DNAH6: variants seen among roughly 807,000 people sequenced by gnomAD.
The protein encoded by DNAH6 is axonemal beta dynein heavy chain 6.
A neutral mutation model predicts 491.4 loss-of-function variants in DNAH6; 340 were observed. The ratio of observed to expected loss-of-function variants is 0.69; its 90% confidence interval spans 0.63 to 0.76. The LOEUF (loss-of-function observed/expected upper bound fraction) is 0.76, where lower values mean the gene tolerates loss of function less well. Among genes scored for constraint, DNAH6 ranks in the 30% least tolerant of loss-of-function variants. DNAH6 has a pLI of 0.00. For missense variants in DNAH6, 4,443 were observed against 4,972.2 expected (o/e 0.89, Z 3.20); for synonymous variants, 1,603 against 1,686.1 (o/e 0.95, Z 1.21).
intron 13 of DNAH6, among the ~76,000 whole-genome samples, chr2:84,578,328 A>G (rs1682677176): frequency 6.6e-6 from 1 of 152,196 alleles, no homozygotes; most frequent in South Asian, 2.1e-4. Context: ...TTCAATTTCA[A>G]CAAGCACTTT....
In DNAH6 at chr2:84,640,676, A is replaced by C. The variant is rs1450234333; in HGVS notation, c.4970+98A>C. Reference sequence around the variant, plus strand: ...AAGGCTCTCAGAGAGTAACTGATTAATAAATGTTGGCTGCTGCTGTTGTCA... The same window carrying C: ...AAGGCTCTCAGAGAGTAACTGATTACTAAATGTTGGCTGCTGCTGTTGTCA... On this transcript the variant is annotated intron_variant, in intron 32 of 76. Coordinates refer to ENST00000389394, the MANE Select transcript of DNAH6 (RefSeq NM_001370.2). 1.1e-4 allele frequency: 136 copies of C among 1,197,548 alleles called. 1 individual carries two copies. Among genetic ancestry groups the C allele is most frequent in the Non-Finnish European group, 1.4e-4 (125 of 865,700 alleles). The allele number at this position is 1,197,548 out of a possible 1,614,324, so 74.2% of individuals were successfully genotyped here. A position where few individuals can be genotyped will look rare whatever the true frequency, so the allele number is the denominator to read the frequency against.
At chr2:84,632,611 C>T (rs1688510899) in intron 29 of DNAH6, among the ~76,000 whole-genome samples, 1 of 152,132 alleles carries the variant, frequency 6.6e-6, no homozygotes, top group South Asian at 2.1e-4. Flanking sequence ...GTATGAAGAC[C>T]ATTCCTCTAC....
intron 17 of DNAH6, among the ~76,000 whole-genome samples, chr2:84,594,630 C>G (rs143199011): frequency 2.8e-4 from 42 of 152,304 alleles, no homozygotes; most frequent in African/African-American, 8.7e-4. Context: ...GGTCAACTCT[C>G]TACAAGGCAA....
At chr2:84,680,044 G>A (rs549265888) in intron 41 of DNAH6, among the ~76,000 whole-genome samples, 10 of 152,280 alleles carry the variant, frequency 6.6e-5, no homozygotes, top group African/African-American at 1.2e-4. Flanking sequence ...TAAAGATTGG[G>A]TTTGAGATGG....
chr2:84,590,498 CAA>C (rs35787415), intron 16 of DNAH6, among the ~76,000 whole-genome samples: 7 of 97,934 alleles, frequency 7.1e-5, no homozygotes, highest in African/African-American at 2.0e-4. Context: ...GGCTCCATTT[CAA>C]AAAAAAAAAA....
At chr2:84,542,609 A>G (rs1275190349) in intron 4 of DNAH6, among the ~76,000 whole-genome samples, 1 of 152,050 alleles carries the variant, frequency 6.6e-6, no homozygotes, top group East Asian at 1.9e-4. Context: ...GCTCACATGA[A>G]CAGCTGTTGG....
chr2:84,762,905 G>A lies in DNAH6; in HGVS notation c.10663G>A (p.Ala3555Thr), dbSNP rs370077349. 96 of 1,551,396 alleles carry A rather than the reference G, an allele frequency of 6.2e-5. No homozygotes were observed. Among genetic ancestry groups the A allele is most frequent in the Non-Finnish European group, 7.9e-5 (91 of 1,146,828 alleles). The change falls in exon 64 of 77, where the codon GCA becomes ACA. Residue 3555 changes from alanine (A) to threonine (T), a missense_variant. Around this residue, in one of 3 missense-constraint regions of DNAH6, gnomAD observed 1,463 missense variants for 1,656.6 expected, o/e 0.88. Coordinates refer to ENST00000389394, the MANE Select transcript of DNAH6 (RefSeq NM_001370.2). The stretch of plus-strand genomic sequence containing the variant: ...AAGCACAGGCTCAGATCCCATGGGT[G>A]CATTTCAGAGGTTTGCCAGGGAAAG... ...ILSTGSDPMG[A>T]FQRFARESGY...
chr2:84,569,965 C>T (rs993950606), intron 11 of DNAH6, among the ~76,000 whole-genome samples: 2 of 151,326 alleles, frequency 1.3e-5, no homozygotes, highest in South Asian at 2.1e-4. Flanking sequence ...GGTGTATGTG[C>T]GTTTCCTAGA....
chr2:84,819,281 T>C (rs1573905300), intron 76 of DNAH6, 24 bp from the exon 77 acceptor site: 1 of 1,451,880 alleles, frequency 6.9e-7, no homozygotes, highest in East Asian at 2.5e-5. Flanking sequence ...AGTAACAACC[T>C]TTTTTTCCTA....
At chr2:84,682,574 C>T (rs1158630463) in intron 42 of DNAH6, among the ~76,000 whole-genome samples, 2 of 152,162 alleles carry the variant, frequency 1.3e-5, no homozygotes, top group African/African-American at 4.8e-5. Context: ...ATCCAGCTGG[C>T]CTGCTAAACT....
intron 29 of DNAH6, among the ~76,000 whole-genome samples, chr2:84,628,242 C>T (rs4513310): frequency 0.29 from 43,520 of 152,056 alleles, 7,206 homozygotes; most frequent in East Asian, 0.64. Flanking sequence ...TATCCTCTAA[C>T]GGTTTCTGCA....
At chr2:84,521,544 G>C (rs1300681650) in intron 2 of DNAH6, among the ~76,000 whole-genome samples, 1 of 152,010 alleles carries the variant, frequency 6.6e-6, no homozygotes, top group African/African-American at 2.4e-5. Flanking sequence ...TGAAATCTTT[G>C]CCAATTCCTA....
chr2:84,790,914 G>A (rs1022992632), intron 68 of DNAH6, among the ~76,000 whole-genome samples: 3 of 152,056 alleles, frequency 2.0e-5, no homozygotes, highest in Non-Finnish European at 2.9e-5. Flanking sequence ...ACACAAGGCC[G>A]GGCGCAGTGG....
chr2:84,510,392 C>T, the DNAH6 span, among the ~76,000 whole-genome samples: 2 of 152,348 alleles, frequency 1.3e-5, 1 homozygote, highest in East Asian at 3.9e-4. Flanking sequence ...GTGCATTCGT[C>T]ACGTAGTTCT....
chr2:84,687,359 A>G lies in DNAH6; in HGVS notation c.7137+802A>G, dbSNP rs114248207. 3.3e-3 allele frequency among the ~76,000 whole-genome samples: 495 copies of G among 152,238 alleles called. 4 individuals are homozygous for G. Among genetic ancestry groups the G allele is most frequent in the African/African-American group, 0.011 (470 of 41,532 alleles). On this transcript the variant is annotated intron_variant, in intron 44 of 76. Transcript: ENST00000389394. ...TGTTTTTTGTTCATCTTAAGTTCCCAGGTTCCTGCACAGAGGTACGTAGCA... is the reference window on the plus strand; with the variant it reads ...TGTTTTTTGTTCATCTTAAGTTCCCGGGTTCCTGCACAGAGGTACGTAGCA...
the DNAH6 span, among the ~76,000 whole-genome samples, chr2:84,471,467 A>G: frequency 6.6e-6 from 1 of 152,202 alleles, no homozygotes; most frequent in Non-Finnish European, 1.5e-5. Context: ...TAACTTCTTC[A>G]TGCTGAATAG....
At chr2:84,595,877 G>A in intron 18 of DNAH6, 88 bp downstream of exon 18, 1 of 1,308,258 alleles carries the variant, frequency 7.6e-7, no homozygotes, top group Non-Finnish European at 1.0e-6. Context: ...ATTTTTCCCT[G>A]ATTAAGTTAG....
intron 76 of DNAH6, among the ~76,000 whole-genome samples, chr2:84,817,482 G>A (rs1022755162): frequency 1.3e-5 from 2 of 152,068 alleles, no homozygotes; most frequent in South Asian, 2.1e-4. Context: ...CAATCCAGCT[G>A]TCTAGCCAGG....
chr2:84,647,006 C>T (rs370204925), intron 33 of DNAH6, among the ~76,000 whole-genome samples: 397 of 152,260 alleles, frequency 2.6e-3, no homozygotes, highest in African/African-American at 9.0e-3. Flanking sequence ...TGCCACCACC[C>T]ATGGCTAATT....
Sources: allele counts gnomAD v4.1 joint callset (sites outside exome capture counted in the v4.1 genomes callset), GRCh38; gene constraint gnomAD v4.1.1; regional missense constraint gnomAD v4.1.1; transcripts MANE v1.5; gene names NCBI Gene and HGNC (gene_info 2026-07-23, HGNC 2026-07-21).